The following PTPRT variants were observed in gnomAD, a reference collection of about 807,000 sequenced individuals.
The protein encoded by PTPRT is protein tyrosine phosphatase receptor type T.
PTPRT carries 56 observed loss-of-function variants against 176.8 expected under a neutral mutation model. The observed-to-expected ratio is 0.32, with a 90% CI of 0.26 to 0.40. The LOEUF (loss-of-function observed/expected upper bound fraction) is 0.40, where lower values mean the gene tolerates loss of function less well. Among genes scored for constraint, PTPRT ranks in the 10% least tolerant of loss-of-function variants. The pLI is 1.00. For synonymous variants in PTPRT, 783 were observed against 739.0 expected (o/e 1.06, Z -0.96); for missense variants, 1,540 against 1,908.2 (o/e 0.81, Z 3.60).
intron 7 of PTPRT, among the ~76,000 whole-genome samples, chr20:42,648,574 G>A (rs918133405): frequency 2.0e-5 from 3 of 152,086 alleles, no homozygotes; most frequent in African/African-American, 7.2e-5. Flanking sequence ...GCCCAAGAAG[G>A]CCGCTACAGC....
intron 9 of PTPRT, among the ~76,000 whole-genome samples, chr20:42,394,179 C>A (rs187095759): frequency 2.8e-4 from 43 of 152,104 alleles, no homozygotes; most frequent in African/African-American, 1.0e-3. Context: ...TCACTTCTGG[C>A]AAACACTGAT....
intron 1 of PTPRT, among the ~76,000 whole-genome samples, chr20:42,922,551 C>G (rs774501228): frequency 6.6e-6 from 1 of 152,212 alleles, no homozygotes; most frequent in Non-Finnish European, 1.5e-5. Flanking sequence ...AAACCCGTTC[C>G]TCTCAATCTT....
intron 1 of PTPRT, among the ~76,000 whole-genome samples, chr20:43,044,168 G>C (rs1227382244): frequency 6.6e-6 from 1 of 152,088 alleles, no homozygotes; most frequent in Non-Finnish European, 1.5e-5. Flanking sequence ...GCCAGCCTTG[G>C]GTCCTGGCAG....
At chr20:42,756,349 T>G in intron 6 of PTPRT, 113 bp downstream of exon 6, 1 of 1,152,686 alleles carries the variant, frequency 8.7e-7, no homozygotes, top group Non-Finnish European at 1.2e-6. Flanking sequence ...GACTAGAAAT[T>G]AATCTCCTCT....
intron 1 of PTPRT, among the ~76,000 whole-genome samples, chr20:43,079,328 T>C (rs184009390): frequency 9.9e-5 from 15 of 152,138 alleles, no homozygotes; most frequent in African/African-American, 3.6e-4. Context: ...TTGCAGGCTG[T>C]AGGAAAAATT....
At chr20:42,183,356 CG>C (rs1990601606) in intron 16 of PTPRT, among the ~76,000 whole-genome samples, 1 of 152,134 alleles carries the variant, frequency 6.6e-6, no homozygotes, top group South Asian at 2.1e-4. Flanking sequence ...ACGCTAACAC[CG>C]TCCCCTGCCC....
intron 6 of PTPRT, among the ~76,000 whole-genome samples, chr20:42,717,497 A>T (rs1359672799): frequency 6.6e-6 from 1 of 152,172 alleles, no homozygotes; most frequent in Non-Finnish European, 1.5e-5. Context: ...TCTATATAAC[A>T]CTTTATGTGA....
intron 1 of PTPRT, among the ~76,000 whole-genome samples, chr20:42,940,753 T>G (rs1980489743): frequency 6.6e-6 from 1 of 152,190 alleles, no homozygotes; most frequent in African/African-American, 2.4e-5. Flanking sequence ...TGGTTTTATC[T>G]TCCCATGAAG....
At chr20:42,888,904 G>C (rs1454298908) in intron 1 of PTPRT, among the ~76,000 whole-genome samples, 2 of 152,092 alleles carry the variant, frequency 1.3e-5, no homozygotes, top group Non-Finnish European at 2.9e-5. Context: ...TGTATGTGTT[G>C]ATGCTAAAAA....
At chr20:43,008,328 T>A (rs1268931548) in intron 1 of PTPRT, among the ~76,000 whole-genome samples, 1 of 152,160 alleles carries the variant, frequency 6.6e-6, no homozygotes, top group African/African-American at 2.4e-5. Context: ...GACCACTTAG[T>A]AAGCAGACAC....
intron 9 of PTPRT, among the ~76,000 whole-genome samples, chr20:42,447,343 G>C (rs73123380): frequency 0.013 from 1,969 of 152,102 alleles, 30 homozygotes; most frequent in Non-Finnish European, 0.021. Flanking sequence ...AAGAGAGGAG[G>C]AATCTACCAA....
chr20:42,973,634 A>G (rs774969786), intron 1 of PTPRT, among the ~76,000 whole-genome samples: 4 of 152,228 alleles, frequency 2.6e-5, no homozygotes, highest in Admixed American at 2.0e-4. Flanking sequence ...TCTGGCACAT[A>G]GCAGGTACTT....
At chr20:42,647,146 C>T (rs1441508200) in intron 7 of PTPRT, among the ~76,000 whole-genome samples, 1 of 151,932 alleles carries the variant, frequency 6.6e-6, no homozygotes. Context: ...ACCCCTCCCA[C>T]CCTGGCCTCC....
intron 7 of PTPRT, among the ~76,000 whole-genome samples, chr20:42,603,789 C>A (rs192494058): frequency 6.6e-6 from 1 of 152,094 alleles, no homozygotes; most frequent in Admixed American, 6.6e-5. Context: ...TCTTCTTTAT[C>A]CCCGTAGATG....
intron 3 of PTPRT, among the ~76,000 whole-genome samples, chr20:42,790,241 A>G (rs1290210552): frequency 6.6e-6 from 1 of 152,122 alleles, no homozygotes; most frequent in Non-Finnish European, 1.5e-5. Context: ...AAAAAAAACA[A>G]AACTTTCAAT....
At chr20:42,210,716 C>G (rs1355021258) in intron 15 of PTPRT, among the ~76,000 whole-genome samples, 1 of 152,018 alleles carries the variant, frequency 6.6e-6, no homozygotes, top group Non-Finnish European at 1.5e-5. Context: ...AATGGCCATA[C>G]TGCCCAAGGT....
chr20:42,521,936 A>G (rs1056224989), intron 7 of PTPRT, among the ~76,000 whole-genome samples: 35 of 152,218 alleles, frequency 2.3e-4, no homozygotes, highest in African/African-American at 7.9e-4. Flanking sequence ...TTACTAAAAC[A>G]TGGCTCAGTG....
chr20:42,828,223 A>T (rs1283185052), intron 2 of PTPRT, among the ~76,000 whole-genome samples: 1 of 152,226 alleles, frequency 6.6e-6, no homozygotes, highest in East Asian at 1.9e-4. Context: ...GAAGTGGAGC[A>T]AACGTGACTT....
intron 6 of PTPRT, among the ~76,000 whole-genome samples, chr20:42,741,031 G>T (rs943149717): frequency 6.6e-6 from 1 of 152,194 alleles, no homozygotes; most frequent in Admixed American, 6.5e-5. Context: ...AATATTAAGG[G>T]GAGCTGAGTT....
Sources: allele counts gnomAD v4.1 joint callset (sites outside exome capture counted in the v4.1 genomes callset), GRCh38; gene constraint gnomAD v4.1.1; transcripts MANE v1.5; gene names NCBI Gene and HGNC (gene_info 2026-07-23, HGNC 2026-07-21).